The following DIP2A variants were observed in gnomAD, a reference collection of about 807,000 sequenced individuals.
DIP2A encodes DIP2 acetate--CoA ligase A, also known as disco-interacting protein 2 homolog A.
DIP2A carries 85 observed loss-of-function variants against 177.4 expected under a neutral mutation model. The ratio of observed to expected loss-of-function variants is 0.48; its 90% CI spans 0.40 to 0.57. DIP2A has a LOEUF of 0.57. Among genes scored for constraint, DIP2A ranks in the 20% least tolerant of loss-of-function variants. DIP2A has a pLI of 0.00. For synonymous variants in DIP2A, 886 were observed against 881.8 expected, an observed-to-expected ratio of 1.00 and a Z score of -0.08; for missense variants, 1,791 against 2,100.2, an observed-to-expected ratio of 0.85 and a Z score of 2.88.
At chr21:46,496,737 T>A (rs889949395) in intron 3 of DIP2A, among the ~76,000 whole-genome samples, 1 of 152,254 alleles carries the variant, frequency 6.6e-6, no homozygotes, top group African/African-American at 2.4e-5. Flanking sequence ...TGTTTCACTT[T>A]ATTTTCAATT....
rs369212003 is a variant in DIP2A, at chr21:46,567,572, G to A, written c.4666G>A (p.Gly1556Ser). ...GEKQRMHLRD[G>S]FLADQLDPIY... Reference sequence around the variant, plus strand: ...GAAGCAGCGCATGCACCTGCGGGACGGCTTCCTGGCTGACCAGCTGGACCC... The same window carrying A: ...GAAGCAGCGCATGCACCTGCGGGACAGCTTCCTGGCTGACCAGCTGGACCC... The change falls in exon 38 of 38, where the codon GGC (glycine) becomes AGC (serine). Residue 1556 changes from glycine to serine, a missense_variant. Physicochemically the swap from Gly to Ser is moderately conservative, Grantham distance 56. Transcript: ENST00000417564. The A allele has an allele frequency of 9.9e-6, 16 of 1,612,006 alleles. No homozygotes were observed. Among genetic ancestry groups the A allele is most frequent in the Middle Eastern group, 1.6e-4 (1 of 6,068 alleles).
chr21:46,466,975 A>C (rs2054887444), intron 1 of DIP2A, among the ~76,000 whole-genome samples: 3 of 152,140 alleles, frequency 2.0e-5, no homozygotes, highest in Admixed American at 2.0e-4. Context: ...ATTTACCTTA[A>C]TATCTAGTCA....
chr21:46,486,075 AAAAAAAAAAAAAAAAAGAACT>A (rs1484956766), intron 2 of DIP2A, among the ~76,000 whole-genome samples: 1 of 47,516 alleles, frequency 2.1e-5, no homozygotes, highest in Non-Finnish European at 4.3e-5. Context: ...CATCTCAAAA[AAAAAAAAAAAAAAAAAGAACT>A]AAAGAACTAG....
chr21:46,465,292 G>A (rs2054711429), intron 1 of DIP2A, among the ~76,000 whole-genome samples: 3 of 152,106 alleles, frequency 2.0e-5, no homozygotes, highest in Admixed American at 2.0e-4. Flanking sequence ...TTTTGGCTGG[G>A]CATGGTGGCT....
At chr21:46,495,882 G>T (rs762028064) in intron 3 of DIP2A, among the ~76,000 whole-genome samples, 13 of 151,922 alleles carry the variant, frequency 8.6e-5, no homozygotes, top group Non-Finnish European at 2.9e-5. Flanking sequence ...GACCAGCTTG[G>T]CCAACATAGT....
At chr21:46,547,822 C>T (rs772617750) in intron 21 of DIP2A, among the ~76,000 whole-genome samples, 6 of 151,850 alleles carry the variant, frequency 4.0e-5, no homozygotes, top group South Asian at 2.1e-4. Flanking sequence ...GACATGCACC[C>T]CACGCCTGGC....
In DIP2A at chr21:46,554,681, C is replaced by T. The variant is rs1168643703; in HGVS notation, c.3261C>T (p.Val1087=). 6.4e-7 allele frequency: 1 copy of T among 1,571,826 alleles called. No individual in the cohort carries two copies. Among genetic ancestry groups the T allele is most frequent in the Non-Finnish European group, 8.6e-7 (1 of 1,159,412 alleles). Residue 1087 remains valine (V), a synonymous_variant, in exon 27 of 38, where the codon GTC becomes GTT. Transcript: ENST00000417564. The stretch of plus-strand genomic sequence containing the variant: ...ACCTCGGCACCACACTGCCCACCGT[C>T]AAGATGATCGTGGAGGTGCGCCTAC... ...PQNLGTTLPT[V]KMIVEVSKSA...
intron 20 of DIP2A, 159 bp downstream of exon 20, chr21:46,546,120 G>C: frequency 6.8e-7 from 1 of 1,472,032 alleles, no homozygotes; most frequent in East Asian, 2.5e-5. Context: ...CCCTACCTGT[G>C]TGCAGGGCCA....
In DIP2A at chr21:46,554,213, G is replaced by A. The variant is rs541450638; in HGVS notation, c.3075G>A (p.Arg1025=). Reference sequence around the variant, plus strand: ...CAACCTGTGTCCAGCTGCACAAAAGGGCTGAGAGAGTGGCCGCGGCTCTGA... The same window carrying A: ...CAACCTGTGTCCAGCTGCACAAAAGAGCTGAGAGAGTGGCCGCGGCTCTGA... ...STATCVQLHK[R]AERVAAALME... is the part of the protein sequence containing the mutation. Residue 1025 remains arginine (R), a synonymous_variant, in exon 26 of 38, where the codon AGG becomes AGA. Coordinates refer to ENST00000417564, the MANE Select transcript of DIP2A (RefSeq NM_015151.4). 1 of 1,613,820 alleles carries A rather than the reference G, an allele frequency of 6.2e-7. No individual in the cohort carries two copies. The highest frequency in any genetic ancestry group is 8.5e-7 in the Non-Finnish European group (1 of 1,179,852).
rs772216654 is a variant in DIP2A at position 46,459,130 on chromosome 21, C to T, written c.-2C>T. 10 of 1,507,498 alleles carry T rather than the reference C, an allele frequency of 6.6e-6. No homozygotes were observed. The highest frequency in any genetic ancestry group is 1.5e-5 in the African/African-American group (1 of 68,778). The allele number at this position is 1,507,498 out of a possible 1,614,324, so 93.4% of individuals were successfully genotyped here. A position where few individuals can be genotyped will look rare whatever the true frequency, so the allele number is the denominator to read the frequency against. On this transcript the variant is annotated 5_prime_UTR_variant, in exon 1 of 38. Coordinates refer to ENST00000417564, the MANE Select transcript of DIP2A (RefSeq NM_015151.4). ...TCTGCCCGGACGCTAGCCGGCCTGG[C>T]CATGGCTGACCGCGGGTGCCCGCTG...
chr21:46,489,197 T>G (rs1228140779), intron 2 of DIP2A, among the ~76,000 whole-genome samples: 1 of 152,242 alleles, frequency 6.6e-6, no homozygotes, highest in Non-Finnish European at 1.5e-5. Context: ...GTAGAGAGTG[T>G]TCCCATTCTC....
intron 1 of DIP2A, among the ~76,000 whole-genome samples, chr21:46,484,430 C>T (rs1223937908): frequency 6.6e-6 from 1 of 152,212 alleles, no homozygotes; most frequent in Non-Finnish European, 1.5e-5. Context: ...CTCCCAGCCC[C>T]TGGCAACCAC....
chr21:46,494,336 A>G lies in DIP2A; in HGVS notation c.284-2652A>G, dbSNP rs1479608373. Among the ~76,000 whole-genome samples, 4 of 152,252 alleles carry G rather than the reference A, an allele frequency of 2.6e-5. No individual in the cohort carries two copies. The East Asian group carries it at 7.7e-4, about 29-fold the overall frequency. ...TCTCTGACATGCTTTTTAGGTCACT[A>G]GGTTTGATGAAAGTCAGGTTACAAC... is the stretch of plus-strand genomic sequence containing the variant. On this transcript the variant is annotated intron_variant, in intron 3 of 37. Coordinates refer to ENST00000417564, the MANE Select transcript of DIP2A (RefSeq NM_015151.4).
rs764041145 is a variant in DIP2A at position 46,555,984 on chromosome 21, G to A, written c.3391G>A (p.Asp1131Asn). 1 of 1,612,304 alleles carries A rather than the reference G, an allele frequency of 6.2e-7. No individual in the cohort carries two copies. The highest frequency in any genetic ancestry group is 8.5e-7 in the Non-Finnish European group (1 of 1,178,430). ...TGCTGGTGTCTCCTGTTTAACAGAT[G>A]ACATCCCAAAAAAGAAGATAGCAAG... is the stretch of plus-strand genomic sequence containing the variant. ...RTWPTILDTD[D>N]IPKKKIASVF... The change falls in exon 29 of 38, where the codon GAC becomes AAC. Residue 1131 changes from aspartate (D) to asparagine (N), a missense_variant and splice_region_variant. Asp to Asn is a conservative substitution (Grantham distance 23). Coordinates refer to ENST00000417564, the MANE Select transcript of DIP2A (RefSeq NM_015151.4).
In DIP2A at chr21:46,566,567, C is replaced by T. The variant is rs752202862; in HGVS notation, c.4347C>T (p.His1449=). 1.2e-5 allele frequency: 19 copies of T among 1,613,900 alleles called. No homozygotes were observed. The East Asian group carries it at 1.3e-4, about 11-fold the overall frequency. ...AACACACACTGTTCACAGGGCGGCA[C>T]GATGCACTGTATGTGGTTGGGTCTC... ...TELTDASGGR[H]DALYVVGSLD... is the part of the protein sequence containing the mutation. Residue 1449 remains histidine, a synonymous_variant, in exon 37 of 38, where the codon CAC becomes CAT. Transcript: ENST00000417564.
chr21:46,531,572 T>A (rs574855332), intron 9 of DIP2A, among the ~76,000 whole-genome samples: 1 of 152,360 alleles, frequency 6.6e-6, no homozygotes, highest in South Asian at 2.1e-4. Flanking sequence ...GACTTTCAGA[T>A]TCTTGACTTG....
At chr21:46,561,163 TCTA>T (rs1298486772) in intron 33 of DIP2A, 1 of 471,652 alleles carries the variant, frequency 2.1e-6, no homozygotes, top group East Asian at 8.4e-5. Context: ...AAGTAACCCA[TCTA>T]CTGGCAAGAA....
At chr21:46,541,436 G>T (rs573977456) in intron 17 of DIP2A, among the ~76,000 whole-genome samples, 4 of 152,170 alleles carry the variant, frequency 2.6e-5, no homozygotes, top group African/African-American at 9.7e-5. Context: ...TGTTTGCCGG[G>T]CTTCACAGGG....
chr21:46,579,371 T>C, the DIP2A span, among the ~76,000 whole-genome samples: 1 of 152,172 alleles, frequency 6.6e-6, no homozygotes, highest in Non-Finnish European at 1.5e-5. Context: ...TAGCAGTCTA[T>C]CTATTTTATT....
Sources: allele counts gnomAD v4.1 joint callset (sites outside exome capture counted in the v4.1 genomes callset), GRCh38; gene constraint gnomAD v4.1.1; transcripts MANE v1.5; gene names NCBI Gene and HGNC (gene_info 2026-07-23, HGNC 2026-07-21).